Variants in TSEN15 observed in about 807,000 individuals in gnomAD.
TSEN15 encodes the protein tRNA-splicing endonuclease subunit Sen15.
Under a neutral mutation model 20.5 loss-of-function variants are expected in TSEN15, and 10 were observed. The ratio of observed to expected loss-of-function variants is 0.49; its 90% confidence interval spans 0.30 to 0.83. The LOEUF is 0.83. TSEN15 is among the 40% of genes least tolerant of loss of function. The pLI, the probability that TSEN15 is intolerant of heterozygous loss-of-function variation, is 0.06. For missense variants in TSEN15, 180 were observed against 218.6 expected (o/e 0.82, Z 1.11); for synonymous variants, 72 against 80.1 (o/e 0.90, Z 0.54).
chr1:184,070,124 C>A (rs1044132873), intron 3 of TSEN15, among the ~76,000 whole-genome samples: 1 of 151,900 alleles, frequency 6.6e-6, no homozygotes, highest in Non-Finnish European at 1.5e-5. Flanking sequence ...TCAAAGAACT[C>A]TGGAAACAGA....
At chr1:184,057,214 G>C (rs940605232) in intron 3 of TSEN15, among the ~76,000 whole-genome samples, 24 of 152,136 alleles carry the variant, frequency 1.6e-4, no homozygotes, top group African/African-American at 5.8e-4. Context: ...GACAATTATT[G>C]ATGGAGCAAG....
intron 3 of TSEN15, among the ~76,000 whole-genome samples, chr1:184,080,829 G>A (rs1221387766): frequency 6.6e-6 from 1 of 152,096 alleles, no homozygotes; most frequent in Non-Finnish European, 1.5e-5. Flanking sequence ...GAAGACCATT[G>A]CACCTCAATG....
At chr1:184,068,155 A>C (rs1650757530) in intron 3 of TSEN15, among the ~76,000 whole-genome samples, 1 of 151,024 alleles carries the variant, frequency 6.6e-6, no homozygotes. Flanking sequence ...AAAAGGACTT[A>C]TATTAATTCT....
chr1:184,089,342 G>T (rs1651317770), intron 3 of TSEN15, among the ~76,000 whole-genome samples: 1 of 151,940 alleles, frequency 6.6e-6, no homozygotes, highest in Non-Finnish European at 1.5e-5. Flanking sequence ...TTACTTGTTT[G>T]TTTTTATTCT....
intron 3 of TSEN15, chr1:184,070,758 A>G (rs770454423): frequency 3.0e-5 from 24 of 803,874 alleles, no homozygotes; most frequent in Non-Finnish European, 3.9e-5. Context: ...ATTAATATCT[A>G]TCGTTGCTTT....
intron 3 of TSEN15, among the ~76,000 whole-genome samples, chr1:184,091,987 C>T (rs1044353223): frequency 1.3e-5 from 2 of 152,146 alleles, no homozygotes; most frequent in Admixed American, 1.3e-4. Flanking sequence ...GTGGGTGGCA[C>T]AGACACTGAT....
intron 3 of TSEN15, 38 bp downstream of exon 3, chr1:184,054,901 T>C (rs1192343633): frequency 6.3e-7 from 1 of 1,593,876 alleles, no homozygotes; most frequent in Non-Finnish European, 8.6e-7. Context: ...CTTTCCCGAG[T>C]AAAGCAGTAG....
exon 4 of TSEN15, chr1:184,095,871 A>T (rs1332466281): frequency 2.5e-6 from 1 of 397,662 alleles, no homozygotes; most frequent in Non-Finnish European, 4.4e-6. Flanking sequence ...TTTTGTTATG[A>T]CAGGCCTAGC....
intron 3 of TSEN15, among the ~76,000 whole-genome samples, chr1:184,063,395 T>C (rs1176994951): frequency 6.6e-6 from 1 of 152,122 alleles, no homozygotes; most frequent in Non-Finnish European, 1.5e-5. Flanking sequence ...TTGGCAAGAG[T>C]ATTGTACAAT....
chr1:184,066,184 A>AT (rs1158325161), intron 3 of TSEN15, among the ~76,000 whole-genome samples: 1 of 150,958 alleles, frequency 6.6e-6, no homozygotes, highest in African/African-American at 2.4e-5. Flanking sequence ...GTTTAGATTG[A>AT]TTTTTTCCAG....
At chr1:184,081,658 G>A (rs1651171610) in intron 3 of TSEN15, among the ~76,000 whole-genome samples, 2 of 152,176 alleles carry the variant, frequency 1.3e-5, no homozygotes, top group Non-Finnish European at 1.5e-5. Context: ...AGGAGCTGGA[G>A]TTAAACCTCA....
chr1:184,080,423 C>A (rs1275759979), intron 3 of TSEN15, among the ~76,000 whole-genome samples: 1 of 152,074 alleles, frequency 6.6e-6, no homozygotes, highest in Non-Finnish European at 1.5e-5. Context: ...GTATTGTTTT[C>A]AGAATATTAT....
intron 3 of TSEN15, among the ~76,000 whole-genome samples, chr1:184,089,202 A>G (rs917700882): frequency 1.2e-4 from 18 of 152,218 alleles, no homozygotes; most frequent in Non-Finnish European, 1.9e-4. Flanking sequence ...GTTCTTATCA[A>G]CCCACAGTCC....
intron 3 of TSEN15, among the ~76,000 whole-genome samples, chr1:184,055,819 C>G (rs1163648011): frequency 6.6e-6 from 1 of 151,948 alleles, no homozygotes; most frequent in Non-Finnish European, 1.5e-5. Flanking sequence ...TAATAAGTAT[C>G]TCTGTACCCA....
At chr1:184,067,941 A>AAAT (rs1400681024) in intron 3 of TSEN15, among the ~76,000 whole-genome samples, 82 of 95,578 alleles carry the variant, frequency 8.6e-4, no homozygotes, top group African/African-American at 1.9e-3. Context: ...AAAAAAAAAA[A>AAAT]ATATATATAT....
chr1:184,051,800 CCTG>C lies in TSEN15; in HGVS notation c.46_48del (p.Leu16del). ...CCGAGCCGACCCCCGGCTGCAGCGG[CCTG>C]GGTCCGGGCGGTGTTCGCGGCTTTG... On this transcript the variant is annotated inframe_deletion, in exon 1 of 5. Coordinates refer to ENST00000645668, the MANE Select transcript of TSEN15 (RefSeq NM_052965.4). The C allele has an allele frequency of 6.5e-7, 1 of 1,531,734 alleles. No individual in the cohort carries two copies. Among genetic ancestry groups the C allele is most frequent in the Non-Finnish European group, 8.8e-7 (1 of 1,139,714 alleles). 94.9% of individuals were successfully genotyped at this position (1,531,734 alleles called of 1,614,324 possible). A position where few individuals can be genotyped will look rare whatever the true frequency, so the allele number is the denominator to read the frequency against.
intron 3 of TSEN15, among the ~76,000 whole-genome samples, chr1:184,067,971 T>TATATAC (rs1557883607): frequency 2.5e-4 from 33 of 133,142 alleles, no homozygotes; most frequent in African/African-American, 8.2e-4. Context: ...TATATATATA[T>TATATAC]GTACATATGT....
intron 3 of TSEN15, among the ~76,000 whole-genome samples, chr1:184,067,949 T>C (rs1361191232): frequency 4.5e-5 from 6 of 132,112 alleles, no homozygotes; most frequent in Non-Finnish European, 9.5e-5. Context: ...AAAATATATA[T>C]ATATATATAT....
chr1:184,055,677 CT>C (rs913576077), intron 3 of TSEN15, among the ~76,000 whole-genome samples: 1 of 151,850 alleles, frequency 6.6e-6, no homozygotes, highest in African/African-American at 2.4e-5. Context: ...AAAAAAGAGA[CT>C]TTTTTTAGGA....
Sources: allele counts gnomAD v4.1 joint callset (sites outside exome capture counted in the v4.1 genomes callset), GRCh38; gene constraint gnomAD v4.1.1; transcripts MANE v1.5; gene names NCBI Gene and HGNC (gene_info 2026-07-23, HGNC 2026-07-21).